Variants in SPG11 observed in about 807,000 individuals in gnomAD.
The protein encoded by SPG11 is spatacsin.
A neutral mutation model predicts 274.0 loss-of-function variants in SPG11; 222 were observed. That is an observed-to-expected ratio of 0.81 (90% CI 0.73 to 0.91). The LOEUF (loss-of-function observed/expected upper bound fraction) is 0.91, where lower values mean the gene tolerates loss of function less well. Among genes scored for constraint, SPG11 ranks in the 40% least tolerant of loss-of-function variants. SPG11 has a pLI of 0.00. For synonymous variants in SPG11, 1,144 were observed against 1,039.7 expected (o/e 1.10, Z -1.93); for missense variants, 3,114 against 2,872.7 (o/e 1.08, Z -1.92).
chr15:44,628,581 T>A, intron 10 of SPG11, 88 bp downstream of exon 10: 1 of 1,224,360 alleles, frequency 8.2e-7, no homozygotes, highest in South Asian at 1.2e-5. Flanking sequence ...ATCACAAGTA[T>A]ATAGAGTCTG....
chr15:44,654,087 G>C (rs950511224), intron 4 of SPG11, among the ~76,000 whole-genome samples: 2 of 152,100 alleles, frequency 1.3e-5, no homozygotes, highest in Non-Finnish European at 2.9e-5. Flanking sequence ...CGGAGTAGCT[G>C]AGACCACAGG....
At chr15:44,572,636 A>G (rs1320835028) in intron 33 of SPG11, 47 bp downstream of exon 33, 2 of 1,609,408 alleles carry the variant, frequency 1.2e-6, no homozygotes, top group African/African-American at 2.7e-5. Flanking sequence ...AGACCTTTTG[A>G]GACCTGTTTA....
chr15:44,599,988 G>C (rs1330098496), intron 21 of SPG11, among the ~76,000 whole-genome samples: 1 of 152,130 alleles, frequency 6.6e-6, no homozygotes, highest in Non-Finnish European at 1.5e-5. Flanking sequence ...TTAGGTATTT[G>C]TCCTAACGTT....
chr15:44,585,954 T>C, intron 28 of SPG11, 104 bp from the exon 29 acceptor site: 1 of 899,592 alleles, frequency 1.1e-6, no homozygotes, highest in Non-Finnish European at 1.7e-6. Flanking sequence ...TTTAACATAG[T>C]AATGTGGTTA....
Position 44,584,286 on chromosome 15 carries a change from C to T in SPG11, c.5394G>A (p.Glu1798=). ...VVPLDKLEEL[E]KQIWLCRITQ... is the part of the protein sequence containing the mutation. Reference sequence around the variant, plus strand: ...TGATGCGGCACAGCCAGATCTGCTTCTCCAGCTCCTCCAGCTTATCCAAGG... The same window carrying T: ...TGATGCGGCACAGCCAGATCTGCTTTTCCAGCTCCTCCAGCTTATCCAAGG... The change falls in exon 30 of 40, where the codon GAG becomes GAA. Residue 1798 remains glutamate, a synonymous_variant. Transcript: ENST00000261866. 1 of 1,612,922 alleles carries T rather than the reference C, an allele frequency of 6.2e-7. No individual in the cohort carries two copies. The highest frequency in any genetic ancestry group is 8.5e-7 in the Non-Finnish European group (1 of 1,179,154).
At position 44,595,395 on chromosome 15, in the gene SPG11, G is replaced by A; in HGVS notation, c.4499C>T (p.Thr1500Ile). The change falls in exon 26 of 40, where the codon ACT (threonine) becomes ATT (isoleucine). Residue 1500 changes from threonine (T) to isoleucine (I), a missense_variant. Thr to Ile is a moderately conservative substitution (Grantham distance 89, BLOSUM62 -1). Coordinates refer to ENST00000261866, the MANE Select transcript of SPG11 (RefSeq NM_025137.4). Reference sequence around the variant, plus strand: ...GTCCTGAATGTGTCCCATTGCTTCAGTTGCAACATTGTCCTCCACAGAAGT... The same window carrying A: ...GTCCTGAATGTGTCCCATTGCTTCAATTGCAACATTGTCCTCCACAGAAGT... ...IITSVEDNVA[T>I]EAMGHIQDST... 6.2e-7 allele frequency: 1 copy of A among 1,614,176 alleles called. No homozygotes were observed. Among genetic ancestry groups the A allele is most frequent in the Non-Finnish European group, 8.5e-7 (1 of 1,180,026 alleles).
Position 44,633,631 on chromosome 15 carries a change from T to A in SPG11, c.1609A>T (p.Ile537Leu), listed in dbSNP as rs2084149306. 6.2e-7 allele frequency: 1 copy of A among 1,613,284 alleles called. No individual in the cohort carries two copies. Among genetic ancestry groups the A allele is most frequent in the South Asian group, 1.1e-5 (1 of 90,950 alleles). Residue 537 changes from isoleucine to leucine, a missense_variant, in exon 8 of 40, where the codon ATA becomes TTA. Coordinates refer to ENST00000261866, the MANE Select transcript of SPG11 (RefSeq NM_025137.4). ...SIPIHALEAG[I>L]ENRQLDTVNF... ...ACTGTGTCCAGCTGACGATTTTCTA[T>A]CCCGGCCTGAAATGAGGAGGAAAAT...
intron 11 of SPG11, among the ~76,000 whole-genome samples, chr15:44,625,711 C>T (rs1179606358): frequency 1.3e-5 from 2 of 152,118 alleles, no homozygotes; most frequent in South Asian, 2.1e-4. Flanking sequence ...TGGAGTCTTG[C>T]TCTGTTGCCC....
intron 7 of SPG11, among the ~76,000 whole-genome samples, chr15:44,633,972 C>G (rs904848692): frequency 6.6e-6 from 1 of 151,828 alleles, no homozygotes; most frequent in Non-Finnish European, 1.5e-5. Context: ...CCAAGTAGTT[C>G]GGATTACAGG....
chr15:44,610,930 G>A lies in SPG11; in HGVS notation c.3201C>T (p.Thr1067=), dbSNP rs1316737273. The change falls in exon 18 of 40, where the codon ACC becomes ACT. Residue 1067 remains threonine, a synonymous_variant. Transcript: ENST00000261866. The part of the protein sequence containing the change: ...SLANAQILIP[T]NQASVSSMLL... ...GCATACTGCTTACACTGGCCTGATT[G>A]GTGGGAATCAAAATCTGAGCATTTG... 1 of 1,613,884 alleles carries A rather than the reference G, an allele frequency of 6.2e-7. No individual in the cohort carries two copies. The highest frequency in any genetic ancestry group is 1.3e-5 in the African/African-American group (1 of 74,988).
intron 16 of SPG11, among the ~76,000 whole-genome samples, chr15:44,614,603 A>T (rs369861699): frequency 2.0e-5 from 3 of 152,222 alleles, no homozygotes; most frequent in African/African-American, 7.2e-5. Flanking sequence ...CCAGAATAAA[A>T]ATTAAGTAGA....
Position 44,596,857 on chromosome 15 carries a change from C to T in SPG11, c.4088G>A (p.Arg1363Lys), listed in dbSNP as rs764150405. ...HNMKLSISYL[R>K]ECAKANDWLQ... ...CCAATCATTTGCTTTGGCACATTCT[C>T]TAAGGTAAGATATGCTTAGTTTCAT... is the stretch of plus-strand genomic sequence containing the variant. The change falls in exon 24 of 40, where the codon AGA becomes AAA. Residue 1363 changes from arginine (R) to lysine (K), a missense_variant. Transcript: ENST00000261866. 2.5e-6 allele frequency: 4 copies of T among 1,613,942 alleles called. No individual in the cohort carries two copies.
Position 44,589,432 on chromosome 15 carries a change from A to C in SPG11, c.4744-18T>G, listed in dbSNP as rs758221541. On this transcript the variant is annotated intron_variant, in intron 27 of 39. Transcript: ENST00000261866. ...GTGTTAAGCTATGAAAGAAAAAGAG[A>C]AGCTTAGGGAAAGCAGTTTCATGAG... 1.2e-6 allele frequency: 2 copies of C among 1,613,824 alleles called. No individual in the cohort carries two copies. The highest frequency in any genetic ancestry group is 1.7e-6 in the Non-Finnish European group (2 of 1,179,838).
At chr15:44,660,767 C>G (rs1483721486) in intron 1 of SPG11, 151 bp from the exon 2 acceptor site, 5 of 749,716 alleles carry the variant, frequency 6.7e-6, no homozygotes, top group Admixed American at 2.4e-5. Flanking sequence ...ATAAACTGCT[C>G]TAGGACCTCC....
intron 25 of SPG11, 170 bp downstream of exon 25, chr15:44,595,913 T>A: frequency 1.2e-6 from 1 of 854,188 alleles, no homozygotes. Flanking sequence ...GTACACCAAA[T>A]GGCCCAGAGC....
In SPG11 at chr15:44,651,729, G is replaced by C. The variant is rs755743605; in HGVS notation, c.1218C>G (p.Thr406=). Residue 406 remains threonine, a synonymous_variant, in exon 6 of 40, where the codon ACC becomes ACG. Transcript: ENST00000261866. ...YNVLQKDHAK[T]SDPGRSWKIM... The stretch of plus-strand genomic sequence containing the variant: ...TTTTCCATGATCTTCCTGGATCACT[G>C]GTCTTGGCATGATCTTTCTGTAGAA... The C allele has an allele frequency of 6.2e-7, 1 of 1,614,138 alleles. No individual in the cohort carries two copies. Among genetic ancestry groups the C allele is most frequent in the Non-Finnish European group, 8.5e-7 (1 of 1,180,016 alleles).
chr15:44,566,100 C>T (rs2082303046), intron 37 of SPG11, 91 bp from the exon 38 acceptor site: 1 of 1,593,768 alleles, frequency 6.3e-7, no homozygotes, highest in South Asian at 1.1e-5. Flanking sequence ...CCCTTCTGTT[C>T]CTGGTTGGCC....
chr15:44,607,164 C>A (rs1233126629), intron 19 of SPG11, among the ~76,000 whole-genome samples: 1 of 152,206 alleles, frequency 6.6e-6, no homozygotes, highest in Non-Finnish European at 1.5e-5. Context: ...TTGGTGCATA[C>A]TAATCTCACC....
At chr15:44,626,306 A>G (rs2083895729) in intron 11 of SPG11, 25 bp downstream of exon 11, 1 of 1,579,440 alleles carries the variant, frequency 6.3e-7, no homozygotes, top group South Asian at 1.2e-5. Flanking sequence ...ATACATTTTA[A>G]GACTTTATGG....
Sources: allele counts gnomAD v4.1 joint callset (sites outside exome capture counted in the v4.1 genomes callset), GRCh38; gene constraint gnomAD v4.1.1; transcripts MANE v1.5; gene names NCBI Gene and HGNC (gene_info 2026-07-23, HGNC 2026-07-21).